ASTN2: variants seen among roughly 807,000 people sequenced by gnomAD.
The protein encoded by ASTN2 is astrotactin 2, also known as astrotactin-2.
In ASTN2, 54 loss-of-function variants were observed where a neutral mutation model predicts 139.8. The ratio of observed to expected loss-of-function variants is 0.39; its 90% confidence interval spans 0.31 to 0.48. The LOEUF is 0.48. ASTN2 is among the 20% of genes least tolerant of loss of function. ASTN2 has a pLI of 0.95. For missense variants in ASTN2, 1,565 were observed against 1,725.1 expected (o/e 0.91, Z 1.64); for synonymous variants, 756 against 719.5 (o/e 1.05, Z -0.81).
At chr9:116,839,884 T>TTATTATTA (rs1564297197) in intron 11 of ASTN2, among the ~76,000 whole-genome samples, 36 of 79,202 alleles carry the variant, frequency 4.5e-4, no homozygotes, top group Middle Eastern at 6.0e-3. Flanking sequence ...TATTATTATT[T>TTATTATTA]TTTTTTTTTT....
chr9:116,600,637 T>C (rs997154506), intron 19 of ASTN2, among the ~76,000 whole-genome samples: 11 of 152,194 alleles, frequency 7.2e-5, no homozygotes, highest in Non-Finnish European at 1.3e-4. Flanking sequence ...AGATAATGGA[T>C]TTGAAGGTCC....
chr9:116,956,574 A>G (rs1835714362), intron 10 of ASTN2, among the ~76,000 whole-genome samples: 1 of 151,586 alleles, frequency 6.6e-6, no homozygotes. Context: ...TAGTCATGGA[A>G]ATTAGGCAAG....
chr9:116,865,403 C>G (rs1467957657), intron 10 of ASTN2, among the ~76,000 whole-genome samples: 1 of 117,952 alleles, frequency 8.5e-6, no homozygotes, highest in East Asian at 2.6e-4. Flanking sequence ...CTACAGTGAG[C>G]CATGATCAAA....
In ASTN2 at chr9:116,820,554, A is replaced by G. The variant is rs1831457115; in HGVS notation, c.2207+63T>C. 1.9e-6 allele frequency: 3 copies of G among 1,559,334 alleles called. No individual in the cohort carries two copies. The South Asian group carries it at 3.6e-5, about 19-fold the overall frequency. Reference sequence around the variant, plus strand: ...CCTTGCTGAGCTGTAGTGTCTGATCATTTTCCCATGCATCCCTCACTTCTG... The same window carrying G: ...CCTTGCTGAGCTGTAGTGTCTGATCGTTTTCCCATGCATCCCTCACTTCTG... On this transcript the variant is annotated intron_variant, in intron 12 of 22. Transcript: ENST00000313400.
chr9:116,977,497 C>A (rs949098240), intron 7 of ASTN2, among the ~76,000 whole-genome samples: 3 of 151,864 alleles, frequency 2.0e-5, no homozygotes, highest in African/African-American at 7.3e-5. Flanking sequence ...TCTGGCCATG[C>A]CTTACGCTTG....
chr9:116,917,624 T>C (rs562149980), intron 10 of ASTN2, among the ~76,000 whole-genome samples: 12 of 152,338 alleles, frequency 7.9e-5, no homozygotes, highest in Non-Finnish European at 2.9e-5. Context: ...AATCTGCAAC[T>C]TGCCATGTTC....
chr9:117,095,134 T>C (rs778179313), intron 5 of ASTN2, among the ~76,000 whole-genome samples: 13 of 152,180 alleles, frequency 8.5e-5, no homozygotes, highest in Non-Finnish European at 1.9e-4. Flanking sequence ...GACCTTCTTT[T>C]CAGTGGGTGG....
At chr9:117,269,174 G>A (rs1338012570) in intron 2 of ASTN2, among the ~76,000 whole-genome samples, 1 of 152,148 alleles carries the variant, frequency 6.6e-6, no homozygotes. Context: ...GCCAAATTAA[G>A]AATCCAAGGT....
chr9:116,490,027 A>G (rs951576413), intron 19 of ASTN2, among the ~76,000 whole-genome samples: 1 of 151,968 alleles, frequency 6.6e-6, no homozygotes, highest in Admixed American at 6.6e-5. Flanking sequence ...AGTTAACAGC[A>G]CTCTCATGCA....
intron 7 of ASTN2, among the ~76,000 whole-genome samples, chr9:116,985,705 G>A (rs959206604): frequency 2.6e-5 from 4 of 152,224 alleles, no homozygotes; most frequent in Non-Finnish European, 4.4e-5. Context: ...AATGGACACA[G>A]AGCATGTATT....
intron 2 of ASTN2, among the ~76,000 whole-genome samples, chr9:117,257,389 G>A (rs529657581): frequency 6.6e-6 from 1 of 152,302 alleles, no homozygotes; most frequent in South Asian, 2.1e-4. Flanking sequence ...AGTAGAAACT[G>A]TGAACACAGA....
chr9:116,541,202 C>T (rs1209711699), intron 19 of ASTN2, among the ~76,000 whole-genome samples: 1 of 152,106 alleles, frequency 6.6e-6, no homozygotes, highest in African/African-American at 2.4e-5. Context: ...CAATTTTAAA[C>T]ATTTTTCTTA....
chr9:116,600,977 A>T (rs1203557402), intron 19 of ASTN2, among the ~76,000 whole-genome samples: 2 of 152,320 alleles, frequency 1.3e-5, no homozygotes, highest in African/African-American at 4.8e-5. Flanking sequence ...AAAAAGATAA[A>T]TATAACAACA....
At chr9:116,803,506 ATATATATATATATATATTTT>A (rs1486341873) in intron 13 of ASTN2, among the ~76,000 whole-genome samples, 405 of 7,896 alleles carry the variant, frequency 0.051, 10 homozygotes, top group African/African-American at 0.17. Flanking sequence ...ATATATATAT[ATATATATATATATATATTTT>A]TTTTTTTTTT....
At chr9:117,136,351 C>T (rs866043051) in intron 4 of ASTN2, among the ~76,000 whole-genome samples, 1 of 152,096 alleles carries the variant, frequency 6.6e-6, no homozygotes, top group Non-Finnish European at 1.5e-5. Flanking sequence ...CTGAAAAATA[C>T]TATAACTTAA....
intron 5 of ASTN2, among the ~76,000 whole-genome samples, chr9:117,065,214 A>G (rs937802211): frequency 6.6e-6 from 1 of 152,168 alleles, no homozygotes; most frequent in African/African-American, 2.4e-5. Context: ...GAAGAAACCC[A>G]CACTGGAATA....
chr9:116,796,579 T>C (rs1309012961), intron 13 of ASTN2, among the ~76,000 whole-genome samples: 3 of 152,052 alleles, frequency 2.0e-5, no homozygotes, highest in Non-Finnish European at 2.9e-5. Context: ...CCAAGGGTGA[T>C]ACAGCAGGAA....
intron 3 of ASTN2, among the ~76,000 whole-genome samples, chr9:117,202,556 T>C (rs1163114726): frequency 1.3e-5 from 2 of 152,180 alleles, no homozygotes; most frequent in African/African-American, 4.8e-5. Context: ...TCCCACAGCA[T>C]TTGCTTGTCT....
chr9:117,210,852 C>G (rs573264179), intron 3 of ASTN2, among the ~76,000 whole-genome samples: 1 of 151,686 alleles, frequency 6.6e-6, no homozygotes, highest in South Asian at 2.1e-4. Context: ...GATAATACAC[C>G]ATGATCAAGT....
Sources: allele counts gnomAD v4.1 joint callset (sites outside exome capture counted in the v4.1 genomes callset), GRCh38; gene constraint gnomAD v4.1.1; transcripts MANE v1.5; gene names NCBI Gene and HGNC (gene_info 2026-07-23, HGNC 2026-07-21).